The following PRKG1 variants were observed in gnomAD, a reference collection of about 807,000 sequenced individuals.
PRKG1 encodes cGMP-dependent protein kinase 1.
Under a neutral mutation model 88.1 loss-of-function variants are expected in PRKG1, and 35 were observed. The observed-to-expected ratio is 0.40, with a 90% CI of 0.30 to 0.53. PRKG1 has a LOEUF of 0.53. Among genes scored for constraint, PRKG1 ranks in the 20% least tolerant of loss-of-function variants. The probability of loss-of-function intolerance (pLI) is 0.59; values close to 1 mark genes in which losing one functional copy is unlikely to be tolerated. For missense variants in PRKG1, 540 were observed against 839.8 expected (o/e 0.64, Z 4.41); for synonymous variants, 303 against 292.5 (o/e 1.04, Z -0.37).
chr10:52,128,368 AG>A, intron 7 of PRKG1: 1 of 985,380 alleles, frequency 1.0e-6, no homozygotes, highest in South Asian at 4.7e-5. Flanking sequence ...TGTTCCCCTG[AG>A]GTATCAATGA....
chr10:51,757,019 T>G (rs746974527), intron 3 of PRKG1, among the ~76,000 whole-genome samples: 32 of 152,024 alleles, frequency 2.1e-4, no homozygotes, highest in Non-Finnish European at 2.5e-4. Context: ...CTGAGAAAAA[T>G]GACGTGGCTG....
chr10:51,563,963 A>C (rs1837535345), intron 3 of PRKG1, among the ~76,000 whole-genome samples: 1 of 152,140 alleles, frequency 6.6e-6, no homozygotes, highest in Admixed American at 6.6e-5. Flanking sequence ...TTCTTCTGTT[A>C]ATTGGCAATC....
chr10:52,018,567 A>G (rs920514566), intron 5 of PRKG1, among the ~76,000 whole-genome samples: 1 of 152,220 alleles, frequency 6.6e-6, no homozygotes. Context: ...TGAACAAACA[A>G]CAAACCCCAA....
chr10:51,647,364 G>A (rs537215003), intron 3 of PRKG1, among the ~76,000 whole-genome samples: 3 of 152,276 alleles, frequency 2.0e-5, no homozygotes, highest in South Asian at 4.1e-4. Flanking sequence ...ATGGAGGTTT[G>A]TAAGGACCTA....
chr10:52,268,429 G>A (rs16928660), intron 10 of PRKG1, among the ~76,000 whole-genome samples: 4,462 of 151,906 alleles, frequency 0.029, 289 homozygotes, highest in East Asian at 0.23. Flanking sequence ...TCAAGCAATC[G>A]GGTATCTCAA....
rs36116134 is a variant in PRKG1 at position 51,430,119 on chromosome 10, T to TA, written c.479-37589dup. 1.1e-3 allele frequency among the ~76,000 whole-genome samples: 159 copies of TA among 141,700 alleles called. 1 individual carries two copies. Among genetic ancestry groups the TA allele is most frequent in the Middle Eastern group, 7.5e-3 (2 of 268 alleles). The allele number at this position is 141,700 out of a possible 152,430, so 93.0% of individuals were successfully genotyped here. A position where few individuals can be genotyped will look rare whatever the true frequency, so the allele number is the denominator to read the frequency against. ...AACTAGCCATGAGAATGGCTACAAT[T>TA]AAAAAAAAAAAAAAAGCCAGGCGTG... On this transcript the variant is annotated intron_variant, in intron 2 of 17. Transcript: ENST00000373980.
At chr10:51,465,692 A>C (rs1181550511) in intron 2 of PRKG1, among the ~76,000 whole-genome samples, 2 of 152,172 alleles carry the variant, frequency 1.3e-5, no homozygotes, top group Admixed American at 6.5e-5. Context: ...AACCCCCCAT[A>C]GAGAGGGAAT....
chr10:52,192,347 G>A (rs1174827289), intron 9 of PRKG1, among the ~76,000 whole-genome samples: 1 of 152,120 alleles, frequency 6.6e-6, no homozygotes. Context: ...TACTAAGTAA[G>A]TATGGTCACT....
intron 14 of PRKG1, among the ~76,000 whole-genome samples, chr10:52,283,185 T>C (rs1842037127): frequency 6.6e-6 from 1 of 152,104 alleles, no homozygotes; most frequent in Non-Finnish European, 1.5e-5. Context: ...TGATGTGTGT[T>C]GTGGTATTTA....
chr10:51,061,530 T>C (rs1250744152), intron 1 of PRKG1, among the ~76,000 whole-genome samples: 2 of 152,168 alleles, frequency 1.3e-5, no homozygotes, highest in Non-Finnish European at 2.9e-5. Flanking sequence ...TTTTGGAAAA[T>C]TCATAGTGAT....
intron 1 of PRKG1, among the ~76,000 whole-genome samples, chr10:51,152,521 T>C (rs545634244): frequency 6.6e-6 from 1 of 152,168 alleles, no homozygotes; most frequent in Non-Finnish European, 1.5e-5. Context: ...AAGGTAACAT[T>C]ATATTCACCA....
At chr10:52,278,910 A>G (rs1841937165) in intron 12 of PRKG1, among the ~76,000 whole-genome samples, 1 of 151,986 alleles carries the variant, frequency 6.6e-6, no homozygotes, top group East Asian at 1.9e-4. Context: ...CTCAAAAAAA[A>G]AAAAAAAAGA....
chr10:51,491,624 C>T (rs1465285684), intron 3 of PRKG1, among the ~76,000 whole-genome samples: 1 of 152,040 alleles, frequency 6.6e-6, no homozygotes, highest in Non-Finnish European at 1.5e-5. Context: ...TGAGCTGCCT[C>T]TAAATTCCTG....
chr10:51,407,969 A>T (rs899789564), intron 2 of PRKG1, among the ~76,000 whole-genome samples: 3 of 149,958 alleles, frequency 2.0e-5, no homozygotes, highest in African/African-American at 7.4e-5. Flanking sequence ...TGGAATCATT[A>T]TGTCTCCTGG....
chr10:52,187,514 A>C (rs566816237), intron 9 of PRKG1, among the ~76,000 whole-genome samples: 15 of 152,338 alleles, frequency 9.8e-5, no homozygotes, highest in Non-Finnish European at 1.3e-4. Context: ...GCTACAGGCA[A>C]AAATAAGTGT....
chr10:51,388,089 T>C (rs1446648269), intron 2 of PRKG1, among the ~76,000 whole-genome samples: 2 of 152,228 alleles, frequency 1.3e-5, no homozygotes, highest in Non-Finnish European at 1.5e-5. Flanking sequence ...TGGTATATTT[T>C]TGAAACTTAC....
chr10:51,253,243 C>T (rs552546454), intron 2 of PRKG1, among the ~76,000 whole-genome samples: 94 of 151,956 alleles, frequency 6.2e-4, no homozygotes, highest in African/African-American at 2.0e-3. Context: ...AAATAATTCA[C>T]CTAATCAGTC....
intron 3 of PRKG1, among the ~76,000 whole-genome samples, chr10:51,725,361 G>T (rs1207856094): frequency 2.6e-5 from 4 of 152,084 alleles, no homozygotes; most frequent in Non-Finnish European, 5.9e-5. Flanking sequence ...GCATTTGTCT[G>T]AAGAAGCCAG....
chr10:51,216,497 G>A (rs1487619211), intron 2 of PRKG1, among the ~76,000 whole-genome samples: 1 of 151,790 alleles, frequency 6.6e-6, no homozygotes, highest in African/African-American at 2.4e-5. Context: ...CTGTGCCTGG[G>A]TTTCCTCACT....
Sources: gnomAD v4.1 joint callset for allele counts (sites outside exome capture counted in the v4.1 genomes callset) on GRCh38, gnomAD v4.1.1 for gene constraint, MANE v1.5 for transcripts, NCBI Gene and HGNC (gene_info 2026-07-23, HGNC 2026-07-21) for gene names.